The following ETHE1 variants were observed in gnomAD, a reference collection of about 807,000 sequenced individuals.
ETHE1 encodes the protein ETHE1 persulfide dioxygenase.
Under a neutral mutation model 25.7 loss-of-function variants are expected in ETHE1, and 16 were observed. The observed-to-expected ratio is 0.62, with a 90% confidence interval of 0.42 to 0.95. The LOEUF is 0.95. Ranked by LOEUF, ETHE1 falls within the 40% of genes least tolerant of loss-of-function variation. ETHE1 has a pLI of 0.00. For missense variants in ETHE1, 300 were observed against 333.6 expected, an observed-to-expected ratio of 0.90 and a Z score of 0.79; for synonymous variants, 139 against 135.9, an observed-to-expected ratio of 1.02 and a Z score of -0.16.
intron 3 of ETHE1, among the ~76,000 whole-genome samples, chr19:43,517,954 A>C (rs1395381417): frequency 6.6e-6 from 1 of 151,762 alleles, no homozygotes; most frequent in African/African-American, 2.4e-5. Context: ...CGTCTCAAAA[A>C]AAAAAAACAA....
At chr19:43,517,122 C>A (rs71362654) in intron 3 of ETHE1, among the ~76,000 whole-genome samples, 26,282 of 150,560 alleles carry the variant, frequency 0.17, 2,356 homozygotes, top group Non-Finnish European at 0.19. Context: ...CTGCACCAAG[C>A]CAAAAGTGAT....
At chr19:43,516,627 T>TC (rs897039125) in intron 3 of ETHE1, among the ~76,000 whole-genome samples, 12 of 142,962 alleles carry the variant, frequency 8.4e-5, no homozygotes, top group African/African-American at 1.6e-4. Context: ...TTTTTTCTTT[T>TC]TTTTTTTTTT....
intron 4 of ETHE1, among the ~76,000 whole-genome samples, chr19:43,510,327 T>C (rs1457144107): frequency 1.3e-5 from 2 of 148,456 alleles, no homozygotes; most frequent in African/African-American, 5.0e-5. Context: ...AACAACTTCT[T>C]TTTTTATCTT....
intron 3 of ETHE1, among the ~76,000 whole-genome samples, chr19:43,524,008 C>T (rs893592429): frequency 4.0e-5 from 6 of 151,270 alleles, no homozygotes; most frequent in Non-Finnish European, 5.9e-5. Flanking sequence ...GGCCAGGGCG[C>T]GCGGATCACC....
At chr19:43,517,541 C>A (rs1568496820) in intron 3 of ETHE1, among the ~76,000 whole-genome samples, 1 of 150,612 alleles carries the variant, frequency 6.6e-6, no homozygotes, top group Non-Finnish European at 1.5e-5. Context: ...CTTTGGGAGG[C>A]CAAGGCAGGT....
intron 2 of ETHE1, 79 bp from the exon 3 acceptor site, chr19:43,526,428 C>G (rs1030050232): frequency 2.5e-6 from 4 of 1,603,812 alleles, no homozygotes; most frequent in Non-Finnish European, 3.4e-6. Context: ...CTCCCTCAGA[C>G]TCAGGAGTTC....
intron 3 of ETHE1, among the ~76,000 whole-genome samples, chr19:43,521,681 AAAAG>A (rs552085157): frequency 0.17 from 25,587 of 150,908 alleles, 2,172 homozygotes; most frequent in Non-Finnish European, 0.19. Flanking sequence ...AAAAAAAAAA[AAAAG>A]AAAGAAAGAA....
chr19:43,525,930 G>A (rs1303215030), intron 3 of ETHE1: 4 of 536,950 alleles, frequency 7.4e-6, no homozygotes, highest in South Asian at 2.1e-5. Context: ...CCAGGCCAAA[G>A]GGCTGCCCCT....
At position 43,509,028 on chromosome 19, in the gene ETHE1, G is replaced by A. The variant is rs540134103; in HGVS notation, c.506-164C>T. ...GTAGAGAACAGGGAAAGGCATTCTA[G>A]GCAGATGGAACAGCATATACAAAGA... On this transcript the variant is annotated intron_variant, in intron 4 of 6. Coordinates refer to ENST00000292147, the MANE Select transcript of ETHE1 (RefSeq NM_014297.5). Among the ~76,000 whole-genome samples the A allele has an allele frequency of 2.0e-5, 3 of 152,290 alleles. 1 individual carries two copies. In the South Asian group the frequency reaches 6.2e-4, roughly 32 times the overall value.
At chr19:43,513,162 A>G (rs1971952250) in intron 3 of ETHE1, among the ~76,000 whole-genome samples, 1 of 152,200 alleles carries the variant, frequency 6.6e-6, no homozygotes, top group Non-Finnish European at 1.5e-5. Flanking sequence ...ATGTCCAGGC[A>G]GAGGTGTGCT....
At chr19:43,513,608 A>G (rs1971962568) in intron 3 of ETHE1, among the ~76,000 whole-genome samples, 1 of 152,148 alleles carries the variant, frequency 6.6e-6, no homozygotes, top group African/African-American at 2.4e-5. Flanking sequence ...GGATGTATTT[A>G]CCCAATCCCT....
chr19:43,526,558 A>T lies in ETHE1; in HGVS notation c.183T>A (p.Asp61Glu), dbSNP rs766622906. The change falls in exon 2 of 7, where the codon GAT (aspartate) becomes GAA (glutamate). Residue 61 changes from aspartate to glutamate, a missense_variant. By Grantham distance (45) the Asp-to-Glu change is conservative. Coordinates refer to ENST00000292147, the MANE Select transcript of ETHE1 (RefSeq NM_014297.5). ...GCCCCAGCTCCTTGATCAGCTGGGC[A>T]TCCCGAGGCGCTGTTTCCAGGACTG... ...IDPVLETAPR[D>E]AQLIKELGLR... 6.2e-6 allele frequency: 10 copies of T among 1,613,862 alleles called. No homozygotes were observed. Among genetic ancestry groups the T allele is most frequent in the Non-Finnish European group, 8.5e-6 (10 of 1,179,968 alleles).
At chr19:43,519,595 C>G (rs1045893454) in intron 3 of ETHE1, among the ~76,000 whole-genome samples, 5 of 152,150 alleles carry the variant, frequency 3.3e-5, no homozygotes, top group Admixed American at 6.6e-5. Context: ...CTACCCCCAT[C>G]AAAGAAACAT....
intron 3 of ETHE1, chr19:43,525,423 C>A (rs1972221540): frequency 6.6e-6 from 1 of 152,292 alleles, no homozygotes; most frequent in African/African-American, 2.4e-5. Context: ...TCTTCTGTCA[C>A]CTGACATTCT....
chr19:43,511,707 T>C (rs1971922363), intron 3 of ETHE1, 141 bp from the exon 4 acceptor site: 1 of 947,416 alleles, frequency 1.1e-6, no homozygotes, highest in African/African-American at 1.7e-5. Context: ...TGTAATCTTA[T>C]ATTATCAGAG....
At chr19:43,512,990 G>C (rs1482985209) in intron 3 of ETHE1, among the ~76,000 whole-genome samples, 1 of 152,204 alleles carries the variant, frequency 6.6e-6, no homozygotes, top group Non-Finnish European at 1.5e-5. Flanking sequence ...TCCCAGTCGG[G>C]GCTAAAAGGG....
Position 43,508,983 on chromosome 19 carries a change from G to A in ETHE1, c.506-119C>T. 9 of 780,746 alleles carry A rather than the reference G, an allele frequency of 1.2e-5. No homozygotes were observed. In the South Asian group the frequency reaches 1.3e-4, roughly 11 times the overall value. The allele number at this position is 780,746 out of a possible 1,614,324, so 48.4% of individuals were successfully genotyped here. ...AGCTAAACCCTCTCCTTCGTGTCCTGCCAATATCCCTTTGTCTAAGTAGAG... is the reference window on the plus strand; with the variant it reads ...AGCTAAACCCTCTCCTTCGTGTCCTACCAATATCCCTTTGTCTAAGTAGAG... On this transcript the variant is annotated intron_variant, in intron 4 of 6. Transcript: ENST00000292147.
At chr19:43,524,257 C>T (rs1355135110) in intron 3 of ETHE1, among the ~76,000 whole-genome samples, 1 of 151,642 alleles carries the variant, frequency 6.6e-6, no homozygotes, top group Non-Finnish European at 1.5e-5. Flanking sequence ...TGGTGGCGCA[C>T]GCCTGTAATC....
At chr19:43,516,623 C>CT (rs71169249) in intron 3 of ETHE1, among the ~76,000 whole-genome samples, 64,088 of 110,204 alleles carry the variant, frequency 0.58, 19,674 homozygotes, top group African/African-American at 0.68. Context: ...TTCTTTTTTT[C>CT]TTTTTTTTTT....
Sources: allele counts gnomAD v4.1 joint callset (sites outside exome capture counted in the v4.1 genomes callset), GRCh38; gene constraint gnomAD v4.1.1; transcripts MANE v1.5; gene names NCBI Gene and HGNC (gene_info 2026-07-23, HGNC 2026-07-21).